The following SEMA6D variants were observed in gnomAD, a reference collection of about 807,000 sequenced individuals.
The protein encoded by SEMA6D is semaphorin-6D.
In SEMA6D, 35 loss-of-function variants were observed where a neutral mutation model predicts 106.6. The observed-to-expected ratio is 0.33, with a 90% CI of 0.25 to 0.44. SEMA6D has a LOEUF of 0.44. Ranked by LOEUF, SEMA6D falls within the 20% of genes least tolerant of loss-of-function variation. The probability of loss-of-function intolerance (pLI) is 1.00; values close to 1 mark genes in which losing one functional copy is unlikely to be tolerated. For synonymous variants in SEMA6D, 499 were observed against 487.7 expected, an observed-to-expected ratio of 1.02 and a Z score of -0.31; for missense variants, 1,185 against 1,345.9, an observed-to-expected ratio of 0.88 and a Z score of 1.87.
intron 3 of SEMA6D, among the ~76,000 whole-genome samples, chr15:47,518,964 G>T (rs1325661700): frequency 6.6e-6 from 1 of 152,002 alleles, no homozygotes; most frequent in Non-Finnish European, 1.5e-5. Context: ...GTGGCTCATG[G>T]CTGTAATCCT....
At chr15:47,305,119 A>G (rs1394444925) in intron 1 of SEMA6D, among the ~76,000 whole-genome samples, 4 of 152,330 alleles carry the variant, frequency 2.6e-5, no homozygotes, top group South Asian at 2.1e-4. Context: ...GATCAACTAA[A>G]TCAAATTATC....
intron 1 of SEMA6D, among the ~76,000 whole-genome samples, chr15:47,346,018 CTG>C (rs1213799488): frequency 5.9e-5 from 9 of 151,920 alleles, no homozygotes; most frequent in African/African-American, 1.9e-4. Context: ...AAATATATAA[CTG>C]TTATGAAATG....
chr15:47,599,349 T>G (rs1264199004), intron 3 of SEMA6D, among the ~76,000 whole-genome samples: 3 of 152,018 alleles, frequency 2.0e-5, no homozygotes, highest in Non-Finnish European at 4.4e-5. Context: ...CCTTGTCTTG[T>G]CTGAAAGGTA....
At chr15:47,235,459 T>C (rs527816957) in intron 1 of SEMA6D, among the ~76,000 whole-genome samples, 1 of 152,146 alleles carries the variant, frequency 6.6e-6, no homozygotes, top group East Asian at 1.9e-4. Context: ...TGTTTATGCT[T>C]TTGGGTCTTA....
At chr15:47,435,357 C>G (rs375071310) in intron 2 of SEMA6D, among the ~76,000 whole-genome samples, 66 of 152,212 alleles carry the variant, frequency 4.3e-4, no homozygotes, top group Admixed American at 9.8e-4. Flanking sequence ...GGTTCTCACT[C>G]TACTCTGTCA....
At chr15:47,616,347 T>C (rs550174008) in intron 4 of SEMA6D, among the ~76,000 whole-genome samples, 1 of 152,054 alleles carries the variant, frequency 6.6e-6, no homozygotes, top group South Asian at 2.1e-4. Context: ...TTTTTTTGTA[T>C]TTTTAGTAGA....
At chr15:47,469,550 C>G (rs1193612497) in intron 2 of SEMA6D, among the ~76,000 whole-genome samples, 1 of 152,114 alleles carries the variant, frequency 6.6e-6, no homozygotes, top group East Asian at 1.9e-4. Flanking sequence ...TGTTTCATGC[C>G]CATCAGTAGC....
At chr15:47,611,774 A>G (rs2076911040) in intron 4 of SEMA6D, among the ~76,000 whole-genome samples, 1 of 152,268 alleles carries the variant, frequency 6.6e-6, no homozygotes, top group Non-Finnish European at 1.5e-5. Flanking sequence ...TTATCCCATA[A>G]GAGCCACTAA....
chr15:47,635,974 A>C (rs1217894126), intron 4 of SEMA6D, among the ~76,000 whole-genome samples: 1 of 152,086 alleles, frequency 6.6e-6, no homozygotes, highest in Non-Finnish European at 1.5e-5. Flanking sequence ...AAAAAAAAAA[A>C]AATTTTACCG....
At chr15:47,308,055 G>C (rs1179791158) in intron 1 of SEMA6D, among the ~76,000 whole-genome samples, 1 of 148,924 alleles carries the variant, frequency 6.7e-6, no homozygotes, top group Middle Eastern at 3.2e-3. Flanking sequence ...TTTACAGATA[G>C]TTGAGAGGTA....
intron 4 of SEMA6D, among the ~76,000 whole-genome samples, chr15:47,709,985 C>T (rs981708234): frequency 6.6e-6 from 1 of 151,932 alleles, no homozygotes; most frequent in African/African-American, 2.4e-5. Context: ...GTAGTTTTCT[C>T]AAAGCACAAT....
chr15:47,480,107 C>A (rs2043113361), intron 3 of SEMA6D, among the ~76,000 whole-genome samples: 1 of 151,814 alleles, frequency 6.6e-6, no homozygotes, highest in Non-Finnish European at 1.5e-5. Context: ...ATCCACCCAC[C>A]CTAGTTTCCC....
At chr15:47,429,424 G>A (rs1021734368) in intron 2 of SEMA6D, among the ~76,000 whole-genome samples, 1 of 152,096 alleles carries the variant, frequency 6.6e-6, no homozygotes, top group South Asian at 2.1e-4. Context: ...AGCTCCAAGA[G>A]GTCATGAAGT....
At chr15:47,726,921 T>A (rs2079794700) in intron 1 of SEMA6D, among the ~76,000 whole-genome samples, 2 of 152,186 alleles carry the variant, frequency 1.3e-5, no homozygotes, top group South Asian at 2.1e-4. Context: ...GCACTCCCAC[T>A]CACTATACTT....
At chr15:47,227,447 T>TTTCTTTC (rs368650431) in intron 1 of SEMA6D, among the ~76,000 whole-genome samples, 10 of 58,388 alleles carry the variant, frequency 1.7e-4, no homozygotes, top group African/African-American at 4.5e-4. Flanking sequence ...CTTTTCTTTC[T>TTTCTTTC]TTTCTTTCTT....
intron 1 of SEMA6D, among the ~76,000 whole-genome samples, chr15:47,204,827 A>G (rs1566924417): frequency 6.6e-6 from 1 of 152,138 alleles, no homozygotes. Flanking sequence ...GGTTGTTTTT[A>G]GGGAGGATTA....
rs367544394 is a variant in SEMA6D at position 47,771,346 on chromosome 15, C to T, written c.2783C>T (p.Ser928Leu). Residue 928 changes from serine to leucine, a missense_variant, in exon 19 of 19, where the codon TCG (serine) becomes TTG (leucine). Physicochemically the swap from Ser to Leu is moderately radical, Grantham distance 145. Transcript: ENST00000536845. ...VPPKVPNREA[S>L]LYSPPSTLPR... Reference sequence around the variant, plus strand: ...CCTAAAGTCCCTAACCGGGAGGCATCGCTATACTCCCCTCCTTCAACTCTC... The same window carrying T: ...CCTAAAGTCCCTAACCGGGAGGCATTGCTATACTCCCCTCCTTCAACTCTC... The T allele has an allele frequency of 1.4e-5, 23 of 1,613,854 alleles. No individual in the cohort carries two copies. The highest frequency in any genetic ancestry group is 1.6e-4 in the Middle Eastern group (1 of 6,080).
chr15:47,754,859 T>C (rs1182592984), intron 1 of SEMA6D, among the ~76,000 whole-genome samples: 1 of 152,212 alleles, frequency 6.6e-6, no homozygotes, highest in African/African-American at 2.4e-5. Flanking sequence ...TTGTTTGTCT[T>C]CTTACTCACT....
chr15:47,525,791 AG>A (rs1185502324), intron 3 of SEMA6D, among the ~76,000 whole-genome samples: 1 of 152,208 alleles, frequency 6.6e-6, no homozygotes, highest in Non-Finnish European at 1.5e-5. Context: ...AGAAGAGGCA[AG>A]GGAGCCTTGC....
Sources: gnomAD v4.1 joint callset for allele counts (sites outside exome capture counted in the v4.1 genomes callset) on GRCh38, gnomAD v4.1.1 for gene constraint, MANE v1.5 for transcripts, NCBI Gene and HGNC (gene_info 2026-07-23, HGNC 2026-07-21) for gene names.